The following SPTB variants were observed in gnomAD, a reference collection of about 807,000 sequenced individuals.
SPTB encodes the protein spectrin beta, erythrocytic.
SPTB carries 45 observed loss-of-function variants against 256.2 expected under a neutral mutation model. The ratio of observed to expected loss-of-function variants is 0.18; its 90% confidence interval spans 0.14 to 0.23. The LOEUF is 0.23. Among genes scored for constraint, SPTB ranks in the 10% least tolerant of loss-of-function variants. SPTB has a pLI of 1.00. For missense variants in SPTB, 2,715 were observed against 3,040.4 expected (o/e 0.89, Z 2.52); for synonymous variants, 1,231 against 1,243.1 (o/e 0.99, Z 0.21).
At chr14:64,784,490 G>A in intron 18 of SPTB, 97 bp from the exon 19 acceptor site, 1 of 1,507,038 alleles carries the variant, frequency 6.6e-7, no homozygotes, top group Middle Eastern at 1.7e-4. Flanking sequence ...AGAAGGCCAT[G>A]GGGAGGAAGT....
In SPTB at chr14:64,797,837, C is replaced by G. The variant is rs1211685510; in HGVS notation, c.1074G>C (p.Glu358Asp). 1 of 1,613,326 alleles carries G rather than the reference C, an allele frequency of 6.2e-7. No homozygotes were observed. Among genetic ancestry groups the G allele is most frequent in the East Asian group, 2.2e-5 (1 of 44,886 alleles). ...RTVEKPPKFQ[E>D]KGNLEVLLFT... ...AAAGTAGAACTTCCAGATTCCCCTT[C>G]TCTTGAAACCTGTCAAGAAAACAGA... The change falls in exon 10 of 36, where the codon GAG (glutamate) becomes GAC (aspartate). Residue 358 changes from glutamate (E) to aspartate (D), a missense_variant. By Grantham distance (45) the Glu-to-Asp change is conservative. This residue lies in a region of SPTB where 416 missense variants were observed against 571.1 expected (regional missense o/e 0.73). Coordinates refer to ENST00000644917, the MANE Select transcript of SPTB (RefSeq NM_001355436.2).
In SPTB at chr14:64,816,853, C is replaced by G. The variant is rs941323378; in HGVS notation, c.148+6094G>C. 2.0e-5 allele frequency among the ~76,000 whole-genome samples: 3 copies of G among 147,888 alleles called. No individual in the cohort carries two copies. Among genetic ancestry groups the G allele is most frequent in the African/African-American group, 5.3e-5 (2 of 37,768 alleles). The stretch of plus-strand genomic sequence containing the variant: ...ACACATGGGGCAGGGAGAATGGGTG[C>G]TGGCTTTTCCTGAGAGCCATAAACA... On this transcript the variant is annotated intron_variant, in intron 2 of 35. Coordinates refer to ENST00000644917, the MANE Select transcript of SPTB (RefSeq NM_001355436.2). This position sits in a 1 kb window ranked among gnomAD's most constrained non-coding sequence, Gnocchi z 4.2.
intron 2 of SPTB, among the ~76,000 whole-genome samples, chr14:64,818,415 G>A (rs1179481924): frequency 4.6e-5 from 7 of 152,182 alleles, no homozygotes; most frequent in Non-Finnish European, 1.0e-4. Flanking sequence ...AAGGAGGGAG[G>A]GGAGGGAAGA....
intron 32 of SPTB, chr14:64,756,636 A>G (rs1234120599): frequency 6.6e-6 from 1 of 152,178 alleles, no homozygotes; most frequent in African/African-American, 2.4e-5. Flanking sequence ...TTACATTACT[A>G]CTTGGTCTCT....
chr14:64,814,085 C>T (rs997820404), intron 2 of SPTB, among the ~76,000 whole-genome samples: 1 of 152,178 alleles, frequency 6.6e-6, no homozygotes, highest in African/African-American at 2.4e-5. Context: ...TAAGATGGAA[C>T]TTTAGGATGC....
intron 1 of SPTB, among the ~76,000 whole-genome samples, chr14:64,857,639 A>T (rs2139791968): frequency 1.3e-5 from 2 of 151,920 alleles, no homozygotes; most frequent in Middle Eastern, 3.4e-3. Context: ...GGTGAATGGG[A>T]ACAGCTATTC....
intron 32 of SPTB, among the ~76,000 whole-genome samples, chr14:64,761,156 C>T (rs2082087894): frequency 6.6e-6 from 1 of 152,292 alleles, no homozygotes; most frequent in East Asian, 1.9e-4. Context: ...TGACTCTGGC[C>T]GCCAAGAAGT....
intron 20 of SPTB, among the ~76,000 whole-genome samples, chr14:64,780,287 A>G (rs1006396637): frequency 1.3e-5 from 2 of 152,260 alleles, no homozygotes; most frequent in African/African-American, 4.8e-5. Flanking sequence ...ATGGAAAAAC[A>G]TCTCATGCTC....
Position 64,760,811 on chromosome 14 carries a change from T to C in SPTB, c.6345+5915A>G, listed in dbSNP as rs992356577. On this transcript the variant is annotated intron_variant, in intron 32 of 35. Coordinates refer to ENST00000644917, the MANE Select transcript of SPTB (RefSeq NM_001355436.2). This position sits in a 1 kb window ranked among gnomAD's most constrained non-coding sequence, Gnocchi z 4.3. ...TGTTACAAATGAGGGAAACTGGGGG[T>C]CGTACAGAATGAGTGACCTGTCCAT... 6.6e-6 allele frequency among the ~76,000 whole-genome samples: 1 copy of C among 151,942 alleles called. No individual in the cohort carries two copies. Among genetic ancestry groups the C allele is most frequent in the African/African-American group, 2.4e-5 (1 of 41,356 alleles).
intron 28 of SPTB, among the ~76,000 whole-genome samples, 155 bp downstream of exon 28, chr14:64,769,435 C>A (rs181225637): frequency 6.6e-6 from 1 of 152,204 alleles, no homozygotes; most frequent in Admixed American, 6.5e-5. Context: ...GGGCTCCAAT[C>A]CCCGGGCCTG....
chr14:64,867,859 CAAAAAAAAAAAAAAAAAA>C (rs35825614), intron 1 of SPTB, among the ~76,000 whole-genome samples: 1 of 124,072 alleles, frequency 8.1e-6, no homozygotes. Context: ...GACTCTGTCT[CAAAAAAAAAAAAAAAAAA>C]AAAAAAAAAG....
In SPTB at chr14:64,823,225, C is replaced by A; in HGVS notation, c.-51-80G>T. The A allele has an allele frequency of 3.8e-6, 4 of 1,062,958 alleles. No individual in the cohort carries two copies. Among genetic ancestry groups the A allele is most frequent in the South Asian group, 1.3e-5 (1 of 76,070 alleles). The allele number at this position is 1,062,958 out of a possible 1,614,324, so 65.8% of individuals were successfully genotyped here. On this transcript the variant is annotated intron_variant, in intron 1 of 35. Coordinates refer to ENST00000644917, the MANE Select transcript of SPTB (RefSeq NM_001355436.2). The surrounding 1 kb of genome is among the most constrained non-coding windows in gnomAD (Gnocchi z 6.5). ...CTCCGGGGAAACTTATTCGGAGCAT[C>A]CAACGTGAGTAGATCCTGACAGAAG...
In SPTB at chr14:64,803,827, C is replaced by T. The variant is rs368350255; in HGVS notation, c.301-47G>A. 2.8e-5 allele frequency: 44 copies of T among 1,560,318 alleles called. No individual in the cohort carries two copies. The African/African-American group carries it at 5.2e-4, about 18-fold the overall frequency. ...CGTGGGCATGGAGGGACTGCACAGT[C>T]ATCCCAGAGGCTGCAGCGTGGACCA... On this transcript the variant is annotated intron_variant, in intron 3 of 35. Coordinates refer to ENST00000644917, the MANE Select transcript of SPTB (RefSeq NM_001355436.2).
At chr14:64,869,167 G>T (rs914241713) in intron 1 of SPTB, among the ~76,000 whole-genome samples, 1 of 152,030 alleles carries the variant, frequency 6.6e-6, no homozygotes, top group African/African-American at 2.4e-5. Flanking sequence ...TTACTTGGTG[G>T]GTATTCATGG....
At chr14:64,803,457 C>G in intron 4 of SPTB, 150 bp downstream of exon 4, 1 of 952,946 alleles carries the variant, frequency 1.0e-6, no homozygotes, top group Admixed American at 1.9e-5. Flanking sequence ...GATGGTTACT[C>G]CTTCCTACAA....
rs1446515207 is a variant in SPTB at position 64,786,776 on chromosome 14, C to T, written c.3189G>A (p.Leu1063=). ...QEDLLGEVSQ[L]QAFLQDLDDF... ...CATCCAGATCCTGCAGGAAGGCCTG[C>T]AGCTGGCTGACTTCCCCCAGCAAGT... The change falls in exon 16 of 36, where the codon CTG becomes CTA. Residue 1063 remains leucine, a synonymous_variant. Transcript: ENST00000644917. This position sits in a 1 kb window ranked among gnomAD's most constrained non-coding sequence, Gnocchi z 5.6. 3.1e-6 allele frequency: 5 copies of T among 1,613,936 alleles called. No homozygotes were observed. The African/African-American group carries it at 6.7e-5, about 22-fold the overall frequency.
intron 15 of SPTB, among the ~76,000 whole-genome samples, 154 bp downstream of exon 15, chr14:64,791,565 C>CAAAAA (rs563905446): frequency 4.4e-5 from 2 of 45,848 alleles, no homozygotes; most frequent in South Asian, 8.5e-4. Context: ...GGTTCTGTGT[C>CAAAAA]AAAAAAAAAA....
At position 64,749,811 on chromosome 14, in the gene SPTB, G is replaced by A; in HGVS notation, c.6777-115C>T. ...CGAACATCCAGACCCCTCTCAGGCAGCCCAGCACTTTCTGAGAGGTCAAAG... is the reference window on the plus strand; with the variant it reads ...CGAACATCCAGACCCCTCTCAGGCAACCCAGCACTTTCTGAGAGGTCAAAG... On this transcript the variant is annotated intron_variant, in intron 34 of 35. Coordinates refer to ENST00000644917, the MANE Select transcript of SPTB (RefSeq NM_001355436.2). This position sits in a 1 kb window ranked among gnomAD's most constrained non-coding sequence, Gnocchi z 4.7. 2.0e-6 allele frequency: 3 copies of A among 1,499,868 alleles called. No homozygotes were observed. Among genetic ancestry groups the A allele is most frequent in the Admixed American group, 1.9e-5 (1 of 53,260 alleles). The allele number at this position is 1,499,868 out of a possible 1,614,324, so 92.9% of individuals were successfully genotyped here. A position where few individuals can be genotyped will look rare whatever the true frequency, so the allele number is the denominator to read the frequency against.
rs229627 is a variant in SPTB, at chr14:64,792,569, G to T, written c.2666+428C>A. 0.3 allele frequency among the ~76,000 whole-genome samples: 45,161 copies of T among 151,772 alleles called. 6,850 individuals carry two copies. The highest frequency in any genetic ancestry group is 0.36 in the Middle Eastern group (105 of 294). On this transcript the variant is annotated intron_variant, in intron 14 of 35. Transcript: ENST00000644917. This position sits in a 1 kb window ranked among gnomAD's most constrained non-coding sequence, Gnocchi z 4.2. The stretch of plus-strand genomic sequence containing the variant: ...GTGAGAGTGGCCTTGCAGACAGGGG[G>T]TTTGCAAATTCTCTCTGTGGCCCCT...
Sources: gnomAD v4.1 joint callset for allele counts (sites outside exome capture counted in the v4.1 genomes callset) on GRCh38, gnomAD v4.1.1 for gene constraint, gnomAD v4.1.1 regional missense constraint, Gnocchi (gnomAD v3.1) non-coding constraint, MANE v1.5 for transcripts, NCBI Gene and HGNC (gene_info 2026-07-23, HGNC 2026-07-21) for gene names.